BTBD2: variants seen among roughly 807,000 people sequenced by gnomAD.
BTBD2 encodes the protein BTB domain containing 2.
In BTBD2, 15 loss-of-function variants were observed where a neutral mutation model predicts 44.0. The ratio of observed to expected loss-of-function variants is 0.34; its 90% CI spans 0.23 to 0.53. BTBD2 has a LOEUF of 0.53. BTBD2 is among the 20% of genes least tolerant of loss of function. BTBD2 has a pLI of 0.95. For synonymous variants in BTBD2, 443 were observed against 335.9 expected (o/e 1.32, Z -3.49); for missense variants, 657 against 746.4 (o/e 0.88, Z 1.39).
At chr19:1,990,332 C>T in intron 4 of BTBD2, 131 bp from the exon 5 acceptor site, 3 of 929,466 alleles carry the variant, frequency 3.2e-6, no homozygotes, top group Non-Finnish European at 4.8e-6. Context: ...CAAATCTGGC[C>T]CTGTGAGTGT....
At chr19:1,991,159 AC>A in intron 3 of BTBD2, 1 of 230,346 alleles carries the variant, frequency 4.3e-6, no homozygotes, top group Non-Finnish European at 8.7e-6. Flanking sequence ...AGGGCCCAGG[AC>A]CCCGAGTGGC....
intron 1 of BTBD2, 65 bp from the exon 2 acceptor site, chr19:1,997,528 G>A: frequency 1.3e-6 from 2 of 1,599,314 alleles, no homozygotes; most frequent in Non-Finnish European, 1.7e-6. Context: ...GGGAGGGCCA[G>A]CCCGGTATCC....
intron 1 of BTBD2, among the ~76,000 whole-genome samples, chr19:2,014,853 G>A (rs2016512353): frequency 6.6e-6 from 1 of 150,744 alleles, no homozygotes; most frequent in Non-Finnish European, 1.5e-5. Context: ...GGCTGGGGGC[G>A]CAAGCCAGAG....
intron 1 of BTBD2, among the ~76,000 whole-genome samples, chr19:2,010,643 CT>C (rs538078810): frequency 0.031 from 4,477 of 145,368 alleles, 184 homozygotes; most frequent in African/African-American, 0.098. Flanking sequence ...ATCCCCCCAC[CT>C]TTTTTTTTTT....
In BTBD2 at chr19:1,993,038, G is replaced by T; in HGVS notation, c.666C>A (p.Ala222=). 6.5e-7 allele frequency: 1 copy of T among 1,550,182 alleles called. No individual in the cohort carries two copies. ...FLKKNLRADN[A]FMLLTQARLF... is the part of the protein sequence containing the mutation. ...CGCCCACCTGCGTGAGCAGCATGAA[G>T]GCGTTGTCGGCTCGCAGGTTCTTCT... Residue 222 remains alanine (A), a synonymous_variant, in exon 3 of 9, where the codon GCC becomes GCA. Transcript: ENST00000255608.
In BTBD2 at chr19:1,987,563, C is replaced by A. The variant is rs149364482; in HGVS notation, c.1118G>T (p.Ser373Ile). ...PRCCLRGKEC[S>I]INRFQQVESR... Reference sequence around the variant, plus strand: ...CTCCACCTGCTGGAAGCGGTTGATGCTGCACTCCTTCCCACGCAGGCAGCA... The same window carrying A: ...CTCCACCTGCTGGAAGCGGTTGATGATGCACTCCTTCCCACGCAGGCAGCA... Residue 373 changes from serine (S) to isoleucine (I), a missense_variant, in exon 6 of 9, where the codon AGC becomes ATC. By Grantham distance (142) the Ser-to-Ile change is moderately radical (BLOSUM62 -2). Coordinates refer to ENST00000255608, the MANE Select transcript of BTBD2 (RefSeq NM_017797.4). The A allele has an allele frequency of 5.9e-3, 9,523 of 1,612,018 alleles. 46 individuals are homozygous for A. The highest frequency in any genetic ancestry group is 7.5e-3 in the Non-Finnish European group (8,870 of 1,179,364).
chr19:2,005,057 T>C (rs2016378311), intron 1 of BTBD2, among the ~76,000 whole-genome samples: 1 of 152,000 alleles, frequency 6.6e-6, no homozygotes, highest in African/African-American at 2.4e-5. Context: ...CCTGACCTCG[T>C]GATCTGCCTG....
intron 2 of BTBD2, among the ~76,000 whole-genome samples, chr19:1,995,301 A>ATTT (rs2016236650): frequency 2.2e-5 from 2 of 92,984 alleles, no homozygotes; most frequent in South Asian, 3.4e-4. Context: ...TTTTTTTTTG[A>ATTT]GAGGGAGTCT....
chr19:1,986,310 C>G lies in BTBD2; in HGVS notation c.*178G>C, dbSNP rs1012878575. 1.3e-6 allele frequency: 1 copy of G among 761,214 alleles called. No individual in the cohort carries two copies. The highest frequency in any genetic ancestry group is 2.1e-6 in the Non-Finnish European group (1 of 478,928). 47.2% of individuals were successfully genotyped at this position (761,214 alleles called of 1,614,324 possible). A position where few individuals can be genotyped will look rare whatever the true frequency, so the allele number is the denominator to read the frequency against. ...CCCGGCTGCCCTGATCCAGCAGCCA[C>G]ACTCGTGGTGAACACAGGGCAACCC... On this transcript the variant is annotated 3_prime_UTR_variant, in exon 9 of 9. Transcript: ENST00000255608.
At chr19:1,989,679 G>A (rs981578845) in intron 5 of BTBD2, 97 of 385,580 alleles carry the variant, frequency 2.5e-4, no homozygotes, top group African/African-American at 1.7e-3. Flanking sequence ...TCCTGAGCTC[G>A]TCACAGACAC....
intron 7 of BTBD2, 22 bp from the exon 8 acceptor site, chr19:1,986,998 G>C (rs117688255): frequency 1.2e-6 from 2 of 1,606,698 alleles, no homozygotes; most frequent in Non-Finnish European, 1.7e-6. Flanking sequence ...TGGGAAGTGG[G>C]AGGCTCAGGC....
intron 1 of BTBD2, among the ~76,000 whole-genome samples, chr19:2,012,511 G>A (rs958814645): frequency 2.6e-5 from 4 of 152,226 alleles, no homozygotes; most frequent in Non-Finnish European, 5.9e-5. Flanking sequence ...ACAGGAGGCT[G>A]GTGTGCATTG....
At chr19:2,000,809 C>G (rs542404858) in intron 1 of BTBD2, among the ~76,000 whole-genome samples, 5 of 152,208 alleles carry the variant, frequency 3.3e-5, no homozygotes, top group African/African-American at 1.2e-4. Flanking sequence ...TTGACAGACA[C>G]GGTGCGACCA....
chr19:2,005,022 G>A (rs995387003), intron 1 of BTBD2, among the ~76,000 whole-genome samples: 50 of 151,648 alleles, frequency 3.3e-4, no homozygotes, highest in Admixed American at 9.2e-4. Context: ...GGGTTTCACC[G>A]TGTTAGTCAG....
chr19:1,990,588 C>T, intron 4 of BTBD2, 129 bp downstream of exon 4: 1 of 879,222 alleles, frequency 1.1e-6, no homozygotes, highest in Non-Finnish European at 1.7e-6. Context: ...AACTCCTGAC[C>T]TGCTGCAAGT....
chr19:2,001,081 C>T lies in BTBD2; in HGVS notation c.408-3618G>A, dbSNP rs1033790496. 1.1e-4 allele frequency among the ~76,000 whole-genome samples: 17 copies of T among 151,948 alleles called. No individual in the cohort carries two copies. The South Asian group carries it at 1.7e-3, about 15-fold the overall frequency. ...GGCGGCTCACCTAAGATCAGGAGTT[C>T]GAGACCAGCCTGGCCAACATGGTGA... On this transcript the variant is annotated intron_variant, in intron 1 of 8. Coordinates refer to ENST00000255608, the MANE Select transcript of BTBD2 (RefSeq NM_017797.4).
chr19:1,987,465 T>C (rs1568213847), intron 6 of BTBD2, 35 bp downstream of exon 6: 2 of 686,806 alleles, frequency 2.9e-6, no homozygotes, highest in Non-Finnish European at 2.2e-6. Context: ...TCCACCCCCA[T>C]GTCCGGACCC....
At chr19:1,990,867 C>T in intron 3 of BTBD2, 45 bp from the exon 4 acceptor site, 1 of 1,499,158 alleles carries the variant, frequency 6.7e-7, no homozygotes. Flanking sequence ...ACATCAGCAC[C>T]CAGCCCTCGG....
intron 1 of BTBD2, among the ~76,000 whole-genome samples, chr19:2,000,971 A>G (rs1287315666): frequency 1.3e-5 from 2 of 152,208 alleles, no homozygotes; most frequent in Admixed American, 1.3e-4. Flanking sequence ...AGGTCCCCAG[A>G]GTCCTCAGAT....
Sources: allele counts gnomAD v4.1 joint callset (sites outside exome capture counted in the v4.1 genomes callset), GRCh38; gene constraint gnomAD v4.1.1; transcripts MANE v1.5; gene names NCBI Gene and HGNC (gene_info 2026-07-23, HGNC 2026-07-21).